The following CSMD3 variants were observed in gnomAD, a reference collection of about 807,000 sequenced individuals.
CSMD3 encodes the protein CUB and sushi domain-containing protein 3.
Under a neutral mutation model 435.2 loss-of-function variants are expected in CSMD3, and 177 were observed. The observed-to-expected ratio is 0.41, with a 90% CI of 0.36 to 0.46. The LOEUF (loss-of-function observed/expected upper bound fraction) is 0.46, where lower values mean the gene tolerates loss of function less well. CSMD3 is among the 20% of genes least tolerant of loss of function. The probability of loss-of-function intolerance (pLI) is 0.34; values close to 1 mark genes in which losing one functional copy is unlikely to be tolerated. For missense variants in CSMD3, 4,265 were observed against 4,504.6 expected (o/e 0.95, Z 1.52); for synonymous variants, 1,656 against 1,520.5 (o/e 1.09, Z -2.07).
intron 5 of CSMD3, among the ~76,000 whole-genome samples, chr8:113,076,111 T>A (rs2089324707): frequency 6.6e-6 from 1 of 151,632 alleles, no homozygotes; most frequent in Admixed American, 6.6e-5. Flanking sequence ...AACTGTAAAT[T>A]CATGGAACTT....
At chr8:112,564,840 T>C (rs1586694216) in intron 24 of CSMD3, among the ~76,000 whole-genome samples, 1 of 152,220 alleles carries the variant, frequency 6.6e-6, no homozygotes, top group East Asian at 1.9e-4. Flanking sequence ...TGCTTGTGTA[T>C]CTTATTTCAG....
intron 10 of CSMD3, among the ~76,000 whole-genome samples, chr8:112,903,152 A>C (rs2082153642): frequency 1.3e-5 from 1 of 76,508 alleles, no homozygotes; most frequent in South Asian, 3.7e-4. Flanking sequence ...CAGTCTTGGC[A>C]AAAAAAAAAA....
intron 10 of CSMD3, among the ~76,000 whole-genome samples, chr8:112,863,775 A>G (rs2080890795): frequency 1.3e-5 from 2 of 152,150 alleles, no homozygotes; most frequent in South Asian, 4.1e-4. Context: ...ACGTGATTAC[A>G]GTAAAGTAGT....
rs769750225 is a variant in CSMD3, at chr8:112,573,605, G to A, written c.3938C>T (p.Ala1313Val). ...TTHLLGAFTG[A>V]SMRGLTLSST... ...ACTAAGTGTCAGTCCGCGCATAGAT[G>A]CACCAGTAAAAGCACCTAGTAGATG... Residue 1313 changes from alanine (A) to valine (V), a missense_variant, in exon 24 of 71, where the codon GCA (alanine) becomes GTA (valine). Ala to Val is a moderately conservative substitution (Grantham distance 64). Coordinates refer to ENST00000297405, the MANE Select transcript of CSMD3 (RefSeq NM_198123.2). The A allele has an allele frequency of 2.5e-6, 4 of 1,612,810 alleles. No individual in the cohort carries two copies. The highest frequency in any genetic ancestry group is 1.3e-5 in the African/African-American group (1 of 74,866).
intron 35 of CSMD3, among the ~76,000 whole-genome samples, chr8:112,392,949 T>A (rs1830565477): frequency 6.8e-6 from 1 of 147,058 alleles, no homozygotes. Flanking sequence ...CACTGCAGCC[T>A]CAAATTCCTA....
At chr8:112,813,606 T>C (rs928661866) in intron 12 of CSMD3, among the ~76,000 whole-genome samples, 1 of 152,190 alleles carries the variant, frequency 6.6e-6, no homozygotes, top group African/African-American at 2.4e-5. Flanking sequence ...ATTTTCGCTG[T>C]TTATAGCTTT....
At chr8:113,407,372 A>G (rs1470265074) in intron 1 of CSMD3, among the ~76,000 whole-genome samples, 1 of 152,134 alleles carries the variant, frequency 6.6e-6, no homozygotes, top group Non-Finnish European at 1.5e-5. Flanking sequence ...CACCATGTAC[A>G]ATAACTTTAC....
At chr8:112,748,391 T>C (rs978921868) in intron 13 of CSMD3, among the ~76,000 whole-genome samples, 6 of 152,174 alleles carry the variant, frequency 3.9e-5, no homozygotes, top group Non-Finnish European at 7.4e-5. Flanking sequence ...GTTTGTTACA[T>C]AGATAAACAG....
chr8:113,015,134 G>C lies in CSMD3; in HGVS notation c.1030+3933C>G, dbSNP rs1225968264. ...TAAAAAATGGATGAACTATGCCAAAGTTACTTGTTTTTGACTGAAACAATG... is the reference window on the plus strand; with the variant it reads ...TAAAAAATGGATGAACTATGCCAAACTTACTTGTTTTTGACTGAAACAATG... On this transcript the variant is annotated intron_variant, in intron 6 of 70. Coordinates refer to ENST00000297405, the MANE Select transcript of CSMD3 (RefSeq NM_198123.2). 4.6e-5 allele frequency among the ~76,000 whole-genome samples: 7 copies of C among 152,002 alleles called. No individual in the cohort carries two copies. The East Asian group carries it at 1.2e-3, about 25-fold the overall frequency.
chr8:112,410,842 G>T (rs902758189), intron 32 of CSMD3, among the ~76,000 whole-genome samples: 2 of 149,168 alleles, frequency 1.3e-5, no homozygotes, highest in Admixed American at 6.8e-5. Flanking sequence ...TTACAAAGTA[G>T]CCGGAAAAAA....
At chr8:113,290,434 A>G (rs908877840) in intron 2 of CSMD3, among the ~76,000 whole-genome samples, 1 of 151,680 alleles carries the variant, frequency 6.6e-6, no homozygotes, top group Non-Finnish European at 1.5e-5. Context: ...CAAGTTACTG[A>G]GAATATAACA....
At chr8:113,190,056 T>C (rs565473307) in intron 3 of CSMD3, among the ~76,000 whole-genome samples, 2 of 151,872 alleles carry the variant, frequency 1.3e-5, no homozygotes, top group South Asian at 4.1e-4. Context: ...ATTTATTTAC[T>C]TATTAGGTTG....
chr8:112,766,608 T>C (rs745993169), intron 13 of CSMD3, among the ~76,000 whole-genome samples: 4 of 151,852 alleles, frequency 2.6e-5, no homozygotes, highest in Non-Finnish European at 5.9e-5. Flanking sequence ...TTACTAGCAA[T>C]GTAACTATAA....
chr8:112,247,958 T>C (rs1408865042), intron 63 of CSMD3, among the ~76,000 whole-genome samples: 1 of 152,128 alleles, frequency 6.6e-6, no homozygotes, highest in East Asian at 1.9e-4. Flanking sequence ...GAAAACAGTA[T>C]ATTAGATTGA....
chr8:112,638,645 T>C (rs2131587908), intron 21 of CSMD3, 51 bp downstream of exon 21: 3 of 1,083,350 alleles, frequency 2.8e-6, no homozygotes, highest in Admixed American at 1.8e-5. Context: ...TCTTGAAAAA[T>C]TGCTTTTTTA....
chr8:112,998,097 T>C (rs2085723257), intron 6 of CSMD3, among the ~76,000 whole-genome samples: 1 of 151,778 alleles, frequency 6.6e-6, no homozygotes, highest in Non-Finnish European at 1.5e-5. Flanking sequence ...TACATAATTT[T>C]ATTTTTTATG....
intron 10 of CSMD3, among the ~76,000 whole-genome samples, chr8:112,862,580 A>G (rs1324922830): frequency 1.3e-5 from 2 of 152,046 alleles, no homozygotes; most frequent in African/African-American, 4.8e-5. Flanking sequence ...CAACACAAAT[A>G]CAGTGAAGAT....
Position 112,403,797 on chromosome 8 carries a change from T to C in CSMD3, c.5809+2727A>G, listed in dbSNP as rs555686238. ...GTGGGGTGAGGGAGAGAATAAATAT[T>C]CAGACGATAGGATTGGCAAACAGTG... On this transcript the variant is annotated intron_variant, in intron 35 of 70. Transcript: ENST00000297405. Among the ~76,000 whole-genome samples, 23 of 152,068 alleles carry C rather than the reference T, an allele frequency of 1.5e-4. No homozygotes were observed. The East Asian group carries it at 4.3e-3, about 28-fold the overall frequency.
chr8:113,098,190 C>G (rs963608043), intron 5 of CSMD3, among the ~76,000 whole-genome samples: 8 of 152,040 alleles, frequency 5.3e-5, no homozygotes, highest in African/African-American at 1.9e-4. Flanking sequence ...TCAGTGTCAT[C>G]TTATTCATTC....
Sources: gnomAD v4.1 joint callset for allele counts (sites outside exome capture counted in the v4.1 genomes callset) on GRCh38, gnomAD v4.1.1 for gene constraint, MANE v1.5 for transcripts, NCBI Gene and HGNC (gene_info 2026-07-23, HGNC 2026-07-21) for gene names.